The following PVT1 variants were observed in gnomAD, a reference collection of about 807,000 sequenced individuals.
The protein encoded by PVT1 is Pvt1 oncogene, also known as CXCR4/PVT1 fusion.
At chr8:127,959,958 T>A (rs1586456335) in intron 3 of PVT1, among the ~76,000 whole-genome samples, 1 of 152,344 alleles carries the variant, frequency 6.6e-6, no homozygotes, top group East Asian at 1.9e-4. Context: ...TGCCTTTTCA[T>A]GTATGTCTGC....
chr8:127,873,595 C>T (rs1815375318), intron 2 of PVT1, among the ~76,000 whole-genome samples: 1 of 152,042 alleles, frequency 6.6e-6, no homozygotes, highest in Non-Finnish European at 1.5e-5. Flanking sequence ...GGTAAAAGAG[C>T]TGGGAGGGAG....
chr8:127,944,553 C>CT (rs1352534842), intron 3 of PVT1, among the ~76,000 whole-genome samples: 12 of 112,092 alleles, frequency 1.1e-4, no homozygotes, highest in Non-Finnish European at 2.1e-4. Flanking sequence ...ACAGTTGTCC[C>CT]ATTTTTTTTT....
intron 3 of PVT1, among the ~76,000 whole-genome samples, chr8:127,901,529 G>C (rs765708881): frequency 6.6e-6 from 1 of 152,078 alleles, no homozygotes; most frequent in Non-Finnish European, 1.5e-5. Context: ...TGAATGTTGT[G>C]GGAAAAAGCT....
In PVT1 at chr8:128,002,968, T is replaced by TCTTCCTTCCTTCCTTCCTTCCTTC. The variant is rs71300289; in HGVS notation, n.912+13680_912+13703dup. Among the ~76,000 whole-genome samples the TCTTCCTTCCTTCCTTCCTTCCTTC allele has an allele frequency of 4.0e-3, 337 of 84,656 alleles. 4 individuals are homozygous for TCTTCCTTCCTTCCTTCCTTCCTTC. The highest frequency in any genetic ancestry group is 0.021 in the East Asian group (55 of 2,642). 55.5% of individuals were successfully genotyped at this position (84,656 alleles called of 152,430 possible). On this transcript the variant is annotated intron_variant and non_coding_transcript_variant, in intron 4 of 10. Transcript: ENST00000651587. ...CTCTCTGCCTCCCTCCCTCCCTCCC[T>TCTTCCTTCCTTCCTTCCTTCCTTC]CTTCCTTCCTTCCTTCCTTCCTTCC...
intron 3 of PVT1, among the ~76,000 whole-genome samples, chr8:127,971,913 G>A (rs1371228685): frequency 1.3e-5 from 2 of 152,170 alleles, no homozygotes; most frequent in Non-Finnish European, 2.9e-5. Context: ...CGGACAGTCC[G>A]GCCAAGTGAG....
At chr8:127,908,791 G>T (rs914861653) in intron 3 of PVT1, among the ~76,000 whole-genome samples, 2 of 152,194 alleles carry the variant, frequency 1.3e-5, no homozygotes, top group Admixed American at 6.5e-5. Context: ...AAGGGCTGCG[G>T]AAGGTGTCTG....
At chr8:128,021,482 A>ATG (rs1817436223) in intron 4 of PVT1, among the ~76,000 whole-genome samples, 2 of 151,658 alleles carry the variant, frequency 1.3e-5, no homozygotes, top group Non-Finnish European at 2.9e-5. Flanking sequence ...TTTAGTAGAG[A>ATG]CAGGGTTTCA....
At chr8:128,096,450 C>G (rs904224693) in intron 5 of PVT1, 2 of 151,986 alleles carry the variant, frequency 1.3e-5, no homozygotes, top group Non-Finnish European at 2.9e-5. Context: ...CTGAGCAATG[C>G]GAGTGGGCCA....
chr8:128,059,881 C>T (rs1025319891), intron 4 of PVT1, among the ~76,000 whole-genome samples: 3 of 152,148 alleles, frequency 2.0e-5, no homozygotes, highest in Non-Finnish European at 4.4e-5. Flanking sequence ...CATCGTTCAG[C>T]CATAGGGTAA....
intron 2 of PVT1, among the ~76,000 whole-genome samples, chr8:127,889,814 A>G (rs1054374899): frequency 1.3e-5 from 2 of 152,162 alleles, no homozygotes; most frequent in Admixed American, 1.3e-4. Flanking sequence ...ATCATATCAG[A>G]TGGAGAGGCC....
intron 4 of PVT1, among the ~76,000 whole-genome samples, chr8:128,052,833 T>C (rs1445705322): frequency 6.6e-6 from 1 of 152,250 alleles, no homozygotes; most frequent in Non-Finnish European, 1.5e-5. Context: ...AGATATACTG[T>C]CACTTCATTT....
At chr8:127,986,006 A>G (rs968302436) in intron 3 of PVT1, among the ~76,000 whole-genome samples, 1 of 152,144 alleles carries the variant, frequency 6.6e-6, no homozygotes, top group African/African-American at 2.4e-5. Context: ...AAGAACTGGT[A>G]GCAGAGATGG....
At chr8:128,080,716 G>T (rs1814164624) in intron 5 of PVT1, among the ~76,000 whole-genome samples, 1 of 152,058 alleles carries the variant, frequency 6.6e-6, no homozygotes, top group Non-Finnish European at 1.5e-5. Context: ...AATTTTAATG[G>T]AGTCCAGGTC....
intron 2 of PVT1, among the ~76,000 whole-genome samples, chr8:127,889,969 G>T (rs1009239330): frequency 6.6e-6 from 1 of 152,184 alleles, no homozygotes; most frequent in Non-Finnish European, 1.5e-5. Flanking sequence ...TAAATACACT[G>T]GATTGGGAAG....
chr8:127,980,467 G>A (rs1280536159), intron 3 of PVT1, among the ~76,000 whole-genome samples: 4 of 152,242 alleles, frequency 2.6e-5, no homozygotes, highest in South Asian at 2.1e-4. Context: ...CTGGGCCAGC[G>A]TTGGGCTCAG....
rs1190972506 is a variant in PVT1 at position 127,898,193 on chromosome 8, C to G, written n.782+7195C>G. ...AAGAAATATACTCTGTCCTTTGTACCTGCGTGAAGAAAGAAGAGAAAAGAA... is the reference window on the plus strand; with the variant it reads ...AAGAAATATACTCTGTCCTTTGTACGTGCGTGAAGAAAGAAGAGAAAAGAA... On this transcript the variant is annotated intron_variant and non_coding_transcript_variant, in intron 3 of 10. Coordinates refer to ENST00000651587, the Ensembl canonical transcript of PVT1. This position sits in a 1 kb window ranked among gnomAD's most constrained non-coding sequence, Gnocchi z 4.4. 2.0e-5 allele frequency among the ~76,000 whole-genome samples: 3 copies of G among 148,906 alleles called. No individual in the cohort carries two copies. Among genetic ancestry groups the G allele is most frequent in the East Asian group, 4.0e-4 (2 of 4,962 alleles).
chr8:127,901,649 T>C (rs1192553942), intron 3 of PVT1, among the ~76,000 whole-genome samples: 2 of 152,146 alleles, frequency 1.3e-5, no homozygotes, highest in Admixed American at 1.3e-4. Flanking sequence ...TGAACTTGAG[T>C]GATCCTCCCA....
intron 2 of PVT1, among the ~76,000 whole-genome samples, chr8:127,866,980 C>G (rs973830017): frequency 6.6e-6 from 1 of 152,306 alleles, no homozygotes; most frequent in Non-Finnish European, 1.5e-5. Flanking sequence ...TTCACTGATT[C>G]ACTGTAGAGG....
intron 2 of PVT1, among the ~76,000 whole-genome samples, chr8:127,863,573 G>T (rs561814411): frequency 6.6e-6 from 1 of 152,214 alleles, no homozygotes; most frequent in Non-Finnish European, 1.5e-5. Flanking sequence ...TGTTGGCGTC[G>T]GGGGTGGACT....
Sources: gnomAD v4.1 joint callset for allele counts (sites outside exome capture counted in the v4.1 genomes callset) on GRCh38, gnomAD v4.1.1 for gene constraint, Gnocchi (gnomAD v3.1) non-coding constraint, MANE v1.5 for transcripts, NCBI Gene and HGNC (gene_info 2026-07-23, HGNC 2026-07-21) for gene names.